The following MVB12B variants were observed in gnomAD, a reference collection of about 807,000 sequenced individuals.
MVB12B encodes ESCRT-I complex subunit MVB12B.
A neutral mutation model predicts 41.6 loss-of-function variants in MVB12B; 16 were observed. The observed-to-expected ratio is 0.38, with a 90% CI of 0.26 to 0.58. The LOEUF is 0.58. MVB12B is among the 20% of genes least tolerant of loss of function. MVB12B has a pLI of 0.62. For synonymous variants in MVB12B, 133 were observed against 139.7 expected, an observed-to-expected ratio of 0.95 and a Z score of 0.34; for missense variants, 274 against 380.2, an observed-to-expected ratio of 0.72 and a Z score of 2.32.
intron 2 of MVB12B, among the ~76,000 whole-genome samples, chr9:126,348,059 A>G (rs954394985): frequency 2.6e-5 from 4 of 152,242 alleles, no homozygotes; most frequent in Non-Finnish European, 5.9e-5. Context: ...GGGCTTTGCT[A>G]TCGTGGGGCT....
At chr9:126,499,032 C>T (rs1259454162) in intron 9 of MVB12B, among the ~76,000 whole-genome samples, 1 of 152,218 alleles carries the variant, frequency 6.6e-6, no homozygotes, top group Non-Finnish European at 1.5e-5. Context: ...ACTTTCAAGG[C>T]ACTTGCACAC....
chr9:126,473,609 A>G lies in MVB12B; in HGVS notation c.758-7760A>G, dbSNP rs745475785. Among the ~76,000 whole-genome samples the G allele has an allele frequency of 6.6e-6, 1 of 152,200 alleles. No individual in the cohort carries two copies. The highest frequency in any genetic ancestry group is 1.5e-5 in the Non-Finnish European group (1 of 68,030). ...CAAGAATGCCAGAGCAGGAACAAGA[A>G]AGCCAAAGAGCGGAAGGTGCCACAC... On this transcript the variant is annotated intron_variant, in intron 7 of 9. Transcript: ENST00000361171. This position sits in a 1 kb window ranked among gnomAD's most constrained non-coding sequence, Gnocchi z 4.0.
chr9:126,477,446 C>T (rs1465136853), intron 7 of MVB12B, among the ~76,000 whole-genome samples: 2 of 152,140 alleles, frequency 1.3e-5, no homozygotes, highest in African/African-American at 2.4e-5. Context: ...TGAAGAAATA[C>T]CTAAGACTTC....
chr9:126,398,410 T>C (rs1486076365), intron 6 of MVB12B, among the ~76,000 whole-genome samples: 1 of 151,930 alleles, frequency 6.6e-6, no homozygotes, highest in East Asian at 1.9e-4. Context: ...TTGTAGAAAA[T>C]TGGCAGAATG....
chr9:126,371,556 G>C (rs1192755447), intron 2 of MVB12B, among the ~76,000 whole-genome samples: 2 of 152,174 alleles, frequency 1.3e-5, no homozygotes, highest in African/African-American at 4.8e-5. Flanking sequence ...TCTGTGCCTG[G>C]CATGGCTAAG....
At chr9:126,471,485 T>C (rs873380) in intron 7 of MVB12B, among the ~76,000 whole-genome samples, 1,662 of 152,270 alleles carry the variant, frequency 0.011, 20 homozygotes, top group African/African-American at 0.03. Context: ...ACAAATTACT[T>C]TGGGGATCTA....
chr9:126,371,421 T>C (rs1427181401), intron 2 of MVB12B, among the ~76,000 whole-genome samples: 2 of 152,262 alleles, frequency 1.3e-5, no homozygotes, highest in Admixed American at 6.5e-5. Flanking sequence ...CTTCCCTGCC[T>C]GGCTCCCTTC....
At chr9:126,415,233 T>G (rs534399828) in intron 6 of MVB12B, among the ~76,000 whole-genome samples, 3 of 152,264 alleles carry the variant, frequency 2.0e-5, no homozygotes, top group African/African-American at 7.2e-5. Context: ...TTTATTCTCA[T>G]GAACCAGAGG....
chr9:126,340,726 G>T lies in MVB12B; in HGVS notation c.204+96G>T. The T allele has an allele frequency of 3.5e-6, 5 of 1,421,850 alleles. No homozygotes were observed. Among genetic ancestry groups the T allele is most frequent in the Non-Finnish European group, 4.8e-6 (5 of 1,032,944 alleles). The allele number at this position is 1,421,850 out of a possible 1,614,324, so 88.1% of individuals were successfully genotyped here. The stretch of plus-strand genomic sequence containing the variant: ...CTTCTGGCCCTTGCGTGTAAGATGT[G>T]CTTCTTCCCTCTAGGAACTTAATCC... On this transcript the variant is annotated intron_variant, in intron 2 of 9. Coordinates refer to ENST00000361171, the MANE Select transcript of MVB12B (RefSeq NM_033446.3). The surrounding 1 kb of genome is among the most constrained non-coding windows in gnomAD (Gnocchi z 4.0).
chr9:126,346,940 C>T (rs970751518), intron 2 of MVB12B, among the ~76,000 whole-genome samples: 1 of 152,184 alleles, frequency 6.6e-6, no homozygotes, highest in Non-Finnish European at 1.5e-5. Context: ...TAGAGTGGAC[C>T]TGCAAGGTAA....
chr9:126,400,677 T>C (rs1001409890), intron 6 of MVB12B, among the ~76,000 whole-genome samples: 1 of 152,230 alleles, frequency 6.6e-6, no homozygotes, highest in South Asian at 2.1e-4. Context: ...ATGCTGCTTC[T>C]GTATCTGACT....
Position 126,392,023 on chromosome 9 carries a change from A to G in MVB12B, c.410-43A>G. 1 of 1,610,786 alleles carries G rather than the reference A, an allele frequency of 6.2e-7. No individual in the cohort carries two copies. Among genetic ancestry groups the G allele is most frequent in the Non-Finnish European group, 8.5e-7 (1 of 1,177,254 alleles). On this transcript the variant is annotated intron_variant, in intron 4 of 9. Coordinates refer to ENST00000361171, the MANE Select transcript of MVB12B (RefSeq NM_033446.3). The surrounding 1 kb of genome is among the most constrained non-coding windows in gnomAD (Gnocchi z 4.8). ...TGGTTTTCAGAATAGAGATTCTGGTATCTCTGGAAAACTCATACCTTTTCT... is the reference window on the plus strand; with the variant it reads ...TGGTTTTCAGAATAGAGATTCTGGTGTCTCTGGAAAACTCATACCTTTTCT...
intron 6 of MVB12B, among the ~76,000 whole-genome samples, chr9:126,403,659 T>A (rs1831331322): frequency 6.6e-6 from 1 of 152,236 alleles, no homozygotes; most frequent in African/African-American, 2.4e-5. Context: ...TTCATCAAAT[T>A]TGAGCAAGTA....
At chr9:126,370,530 C>T (rs1337665074) in intron 2 of MVB12B, among the ~76,000 whole-genome samples, 1 of 151,730 alleles carries the variant, frequency 6.6e-6, no homozygotes, top group African/African-American at 2.4e-5. Context: ...TGCAGGCGCC[C>T]ACCACCATGC....
At chr9:126,441,234 AG>A (rs1832632721) in intron 7 of MVB12B, among the ~76,000 whole-genome samples, 1 of 152,216 alleles carries the variant, frequency 6.6e-6, no homozygotes, top group African/African-American at 2.4e-5. Flanking sequence ...AGCTATTTCC[AG>A]ATTCCTCTGC....
Position 126,503,531 on chromosome 9 carries a change from G to A in MVB12B, c.*268G>A. The A allele has an allele frequency of 2.0e-6, 1 of 510,462 alleles. No homozygotes were observed. Among genetic ancestry groups the A allele is most frequent in the South Asian group, 2.8e-5 (1 of 36,250 alleles). 31.6% of individuals were successfully genotyped at this position (510,462 alleles called of 1,614,324 possible). ...GCGGCTCCTAACGTGTCTGTGTGAT[G>A]ACCAGTTGTCCTCCAAAAACCTCAC... On this transcript the variant is annotated 3_prime_UTR_variant, in exon 10 of 10. Coordinates refer to ENST00000361171, the MANE Select transcript of MVB12B (RefSeq NM_033446.3).
In MVB12B at chr9:126,465,717, T is replaced by C. The variant is rs1833187134; in HGVS notation, c.758-15652T>C. Among the ~76,000 whole-genome samples, 2 of 151,828 alleles carry C rather than the reference T, an allele frequency of 1.3e-5. 1 individual carries two copies. Among genetic ancestry groups the C allele is most frequent in the South Asian group, 4.2e-4 (2 of 4,804 alleles). On this transcript the variant is annotated intron_variant, in intron 7 of 9. Coordinates refer to ENST00000361171, the MANE Select transcript of MVB12B (RefSeq NM_033446.3). The stretch of plus-strand genomic sequence containing the variant: ...CATTGAAACTGGGTCCTTCCAGCAG[T>C]GTGTCAAGAAAGTCTTAGCCTCTGC...
chr9:126,336,020 A>T (rs1829264500), intron 1 of MVB12B, among the ~76,000 whole-genome samples: 1 of 152,256 alleles, frequency 6.6e-6, no homozygotes, highest in Admixed American at 6.5e-5. Flanking sequence ...CCATGGCAGG[A>T]GGCCGAGATG....
chr9:126,374,882 T>G (rs1202708115), intron 2 of MVB12B, among the ~76,000 whole-genome samples: 1 of 152,224 alleles, frequency 6.6e-6, no homozygotes, highest in Admixed American at 6.5e-5. Flanking sequence ...TCTTTCAAAG[T>G]TAAAATTTGC....
Sources: gnomAD v4.1 joint callset for allele counts (sites outside exome capture counted in the v4.1 genomes callset) on GRCh38, gnomAD v4.1.1 for gene constraint, Gnocchi (gnomAD v3.1) non-coding constraint, MANE v1.5 for transcripts, NCBI Gene and HGNC (gene_info 2026-07-23, HGNC 2026-07-21) for gene names.